Variants in HLCS observed in about 807,000 individuals in gnomAD.
The protein encoded by HLCS is holocarboxylase synthetase, also known as biotin--protein ligase.
A neutral mutation model predicts 75.0 loss-of-function variants in HLCS; 53 were observed. The ratio of observed to expected loss-of-function variants is 0.71; its 90% CI spans 0.57 to 0.89. The LOEUF (loss-of-function observed/expected upper bound fraction) is 0.89, where lower values mean the gene tolerates loss of function less well. Among genes scored for constraint, HLCS ranks in the 40% least tolerant of loss-of-function variants. The probability of loss-of-function intolerance (pLI) is 0.00; values close to 1 mark genes in which losing one functional copy is unlikely to be tolerated. For synonymous variants in HLCS, 431 were observed against 428.6 expected, an observed-to-expected ratio of 1.01 and a Z score of -0.07; for missense variants, 966 against 1,074.0, an observed-to-expected ratio of 0.90 and a Z score of 1.41.
chr21:36,873,441 GTGT>G (rs1336535366), intron 6 of HLCS, among the ~76,000 whole-genome samples: 7 of 152,194 alleles, frequency 4.6e-5, no homozygotes, highest in African/African-American at 1.7e-4. Context: ...AATTTGTGAA[GTGT>G]TGTTCAAATC....
At chr21:36,822,352 A>C (rs2061871092) in intron 6 of HLCS, among the ~76,000 whole-genome samples, 1 of 152,106 alleles carries the variant, frequency 6.6e-6, no homozygotes, top group Non-Finnish European at 1.5e-5. Flanking sequence ...CCCGGGAGGC[A>C]GAGGTTGCAG....
Position 36,989,383 on chromosome 21 carries a change from G to A in HLCS, c.-393+775C>T, listed in dbSNP as rs912669419. ...TTGTCGTCCAGGCTGGAGTGCAGCG[G>A]TGCAATCTCAGCTCACTGCAACCTC... On this transcript the variant is annotated intron_variant, in intron 1 of 11. Transcript: ENST00000336648. Among the ~76,000 whole-genome samples, 32 of 148,448 alleles carry A rather than the reference G, an allele frequency of 2.2e-4. 1 individual carries two copies. Among genetic ancestry groups the A allele is most frequent in the Admixed American group, 1.9e-3 (28 of 14,812 alleles).
intron 6 of HLCS, among the ~76,000 whole-genome samples, chr21:36,876,943 ACACATC>A (rs2064003919): frequency 6.6e-6 from 1 of 152,226 alleles, no homozygotes; most frequent in Non-Finnish European, 1.5e-5. Context: ...TTAGGTAAAT[ACACATC>A]CATGAGTTGT....
chr21:36,817,222 T>C (rs541882576), intron 6 of HLCS, among the ~76,000 whole-genome samples: 2 of 152,330 alleles, frequency 1.3e-5, no homozygotes, highest in Admixed American at 6.5e-5. Flanking sequence ...TAAACATCGG[T>C]ATTTTTTCTT....
intron 5 of HLCS, among the ~76,000 whole-genome samples, chr21:36,929,252 C>T (rs1299462653): frequency 1.3e-5 from 2 of 152,190 alleles, no homozygotes; most frequent in Non-Finnish European, 2.9e-5. Flanking sequence ...CACCTCACTC[C>T]CGGACTTCCC....
At chr21:36,803,683 A>C (rs2061276606) in intron 6 of HLCS, among the ~76,000 whole-genome samples, 1 of 152,162 alleles carries the variant, frequency 6.6e-6, no homozygotes, top group Non-Finnish European at 1.5e-5. Context: ...AAGTAGAAAG[A>C]AAGAAAAAAA....
At chr21:36,888,443 A>AT (rs2064588111) in intron 6 of HLCS, among the ~76,000 whole-genome samples, 9 of 28,294 alleles carry the variant, frequency 3.2e-4, no homozygotes, top group Admixed American at 6.6e-4. Context: ...AAAAAAAAAA[A>AT]AAATATATAT....
chr21:36,826,675 T>C (rs1362047410), intron 6 of HLCS, among the ~76,000 whole-genome samples: 1 of 152,220 alleles, frequency 6.6e-6, no homozygotes, highest in Non-Finnish European at 1.5e-5. Context: ...GCTGTATATA[T>C]GAAGTTACAA....
At chr21:36,897,162 G>A (rs756447363) in intron 5 of HLCS, 31 bp from the exon 6 acceptor site, 54 of 1,613,046 alleles carry the variant, frequency 3.3e-5, no homozygotes, top group Non-Finnish European at 4.3e-5. Flanking sequence ...TGAGATGGTC[G>A]TAATTTGGCA....
At chr21:36,931,743 T>G (rs1430547802) in intron 4 of HLCS, among the ~76,000 whole-genome samples, 1 of 143,644 alleles carries the variant, frequency 7.0e-6, no homozygotes, top group Non-Finnish European at 1.5e-5. Context: ...AGTGCGACCA[T>G]TTAAAAAGAA....
chr21:36,970,265 C>A (rs1264729666), upstream of HLCS, among the ~76,000 whole-genome samples: 1 of 152,170 alleles, frequency 6.6e-6, no homozygotes, highest in Non-Finnish European at 1.5e-5. Flanking sequence ...CAGGGTCTTG[C>A]TATGTCACCC....
At chr21:36,788,478 C>T (rs981158850) in intron 6 of HLCS, among the ~76,000 whole-genome samples, 2 of 152,202 alleles carry the variant, frequency 1.3e-5, no homozygotes, top group East Asian at 1.9e-4. Flanking sequence ...AACATTCTAA[C>T]GAAATCAAGA....
At chr21:36,898,387 A>G (rs2065097212) in intron 5 of HLCS, among the ~76,000 whole-genome samples, 2 of 139,400 alleles carry the variant, frequency 1.4e-5, no homozygotes, top group African/African-American at 5.5e-5. Flanking sequence ...CAGAGGCTGC[A>G]GTGAGCCAAG....
At chr21:36,840,587 A>G (rs1478365358) in intron 6 of HLCS, among the ~76,000 whole-genome samples, 5 of 152,176 alleles carry the variant, frequency 3.3e-5, no homozygotes, top group Admixed American at 3.3e-4. Context: ...AGACTAAATT[A>G]CAATTTTGCT....
At chr21:36,872,301 T>C (rs1401461368) in intron 6 of HLCS, among the ~76,000 whole-genome samples, 1 of 150,802 alleles carries the variant, frequency 6.6e-6, no homozygotes, top group Non-Finnish European at 1.5e-5. Flanking sequence ...CGGGCGCCTG[T>C]AGTCCCAGCT....
chr21:36,884,949 T>C (rs755435485), intron 6 of HLCS, among the ~76,000 whole-genome samples: 1 of 152,086 alleles, frequency 6.6e-6, no homozygotes, highest in African/African-American at 2.4e-5. Context: ...CACTGCAGAT[T>C]TGGCTCTTTT....
intron 6 of HLCS, among the ~76,000 whole-genome samples, chr21:36,859,904 A>C (rs186162742): frequency 1.3e-5 from 2 of 152,220 alleles, no homozygotes; most frequent in African/African-American, 2.4e-5. Context: ...CGCAATAATC[A>C]ATTACACCAC....
At chr21:36,784,398 CTCT>C (rs2145850382) in intron 6 of HLCS, among the ~76,000 whole-genome samples, 1 of 151,494 alleles carries the variant, frequency 6.6e-6, no homozygotes, top group East Asian at 1.9e-4. Flanking sequence ...TCACTGAACC[CTCT>C]ACCTCCCAGG....
intron 6 of HLCS, among the ~76,000 whole-genome samples, chr21:36,799,254 C>T (rs2061123566): frequency 1.3e-5 from 2 of 152,108 alleles, no homozygotes; most frequent in Admixed American, 1.3e-4. Context: ...GGTTCAAGTA[C>T]CATTTATTGA....
Sources: allele counts gnomAD v4.1 joint callset (sites outside exome capture counted in the v4.1 genomes callset), GRCh38; gene constraint gnomAD v4.1.1; transcripts MANE v1.5; gene names NCBI Gene and HGNC (gene_info 2026-07-23, HGNC 2026-07-21).